Variants in TNFSF18 observed in about 807,000 individuals in gnomAD.
TNFSF18 encodes TNF superfamily member 18.
In TNFSF18, 6 loss-of-function variants were observed where a neutral mutation model predicts 9.6. That is an observed-to-expected ratio of 0.63 (90% confidence interval 0.34 to 1.24). The LOEUF (loss-of-function observed/expected upper bound fraction) is 1.24. TNFSF18 is among the 50% of genes most tolerant of loss of function. TNFSF18 has a pLI of 0.03. For missense variants in TNFSF18, 210 were observed against 201.0 expected (o/e 1.04, Z -0.27); for synonymous variants, 68 against 71.7 (o/e 0.95, Z 0.26).
rs984715780 is a variant in TNFSF18 at position 173,039,713 on chromosome 1, T to C, written c.*1654A>G. ...ATCAAGAACACCAAGATTTTATAAG[T>C]ATACATATATATACACACACACATA... is the stretch of plus-strand genomic sequence containing the variant. On this transcript the variant is annotated 3_prime_UTR_variant, in exon 3 of 3. Transcript: ENST00000404377. Among the ~76,000 whole-genome samples, 1 of 150,518 alleles carries C rather than the reference T, an allele frequency of 6.6e-6. No homozygotes were observed. Among genetic ancestry groups the C allele is most frequent in the African/African-American group, 2.5e-5 (1 of 40,548 alleles).
Position 173,043,928 on chromosome 1 carries a change from A to AGGTTACTC in TNFSF18, c.187+3_187+10dup. The stretch of plus-strand genomic sequence containing the variant: ...AAGAAAAGTAAAAGACATGCAAGAT[A>AGGTTACTC]GGTTACTCACCAAACTTAGCCATAC... On this transcript the variant is annotated intron_variant, in intron 2 of 2. Coordinates refer to ENST00000404377, the MANE Select transcript of TNFSF18 (RefSeq NM_005092.4). 6.2e-7 allele frequency: 1 copy of AGGTTACTC among 1,610,946 alleles called. No individual in the cohort carries two copies. Among genetic ancestry groups the AGGTTACTC allele is most frequent in the Non-Finnish European group, 8.5e-7 (1 of 1,177,212 alleles).
chr1:173,041,562 A>C lies in TNFSF18; in HGVS notation c.339T>G (p.Phe113Leu). 1 of 1,613,580 alleles carries C rather than the reference A, an allele frequency of 6.2e-7. No individual in the cohort carries two copies. Among genetic ancestry groups the C allele is most frequent in the Non-Finnish European group, 8.5e-7 (1 of 1,179,642 alleles). The change falls in exon 3 of 3, where the codon TTT becomes TTG. Residue 113 changes from phenylalanine to leucine, a missense_variant. Physicochemically the swap from Phe to Leu is conservative, Grantham distance 22. Transcript: ENST00000404377. Reference protein sequence around the residue: ...PNANYNDVAPFEVRLYKNKDM... With the variant: ...PNANYNDVAPLEVRLYKNKDM... ...CTTTGTTTTTATACAGCCGCACCTC[A>C]AAAGGAGCTACATCATTGTAGTTTG... is the stretch of plus-strand genomic sequence containing the variant.
chr1:173,042,513 C>A (rs1665009543), intron 2 of TNFSF18, among the ~76,000 whole-genome samples: 1 of 151,924 alleles, frequency 6.6e-6, no homozygotes, highest in Non-Finnish European at 1.5e-5. Flanking sequence ...TTAAATAAAT[C>A]CCCCAAAAAT....
chr1:173,041,818 T>TACGGC, intron 2 of TNFSF18, 105 bp from the exon 3 acceptor site: 1 of 945,812 alleles, frequency 1.1e-6, no homozygotes, highest in Non-Finnish European at 1.5e-6. Context: ...TGTTGTTTCT[T>TACGGC]TACCTGATCT....
In TNFSF18 at chr1:173,040,079, T is replaced by A. The variant is rs758405447; in HGVS notation, c.*1288A>T. The A allele has an allele frequency of 3.7e-4, 56 of 152,088 alleles. No individual in the cohort carries two copies. Among genetic ancestry groups the A allele is most frequent in the Non-Finnish European group, 6.8e-4 (46 of 68,012 alleles). 9.4% of individuals were successfully genotyped at this position (152,088 alleles called of 1,614,324 possible). ...CAACAAGAACCTGCAAGTAGCTAAT[T>A]TAAGAGTCCAAAAATTTTGAATTAG... On this transcript the variant is annotated 3_prime_UTR_variant, in exon 3 of 3. Transcript: ENST00000404377.
In TNFSF18 at chr1:173,040,104, G is replaced by C. The variant is rs1239857894; in HGVS notation, c.*1263C>G. 6.6e-6 allele frequency: 1 copy of C among 151,904 alleles called. No individual in the cohort carries two copies. The highest frequency in any genetic ancestry group is 6.6e-5 in the Admixed American group (1 of 15,228). The allele number at this position is 151,904 out of a possible 1,614,324, so 9.4% of individuals were successfully genotyped here. The stretch of plus-strand genomic sequence containing the variant: ...TTAAGAGTCCAAAAATTTTGAATTA[G>C]TGCTATTTATTATTTTAGAAGTTAG... On this transcript the variant is annotated 3_prime_UTR_variant, in exon 3 of 3. Coordinates refer to ENST00000404377, the MANE Select transcript of TNFSF18 (RefSeq NM_005092.4).
At chr1:173,042,959 G>A (rs968239878) in intron 2 of TNFSF18, among the ~76,000 whole-genome samples, 7 of 152,050 alleles carry the variant, frequency 4.6e-5, no homozygotes, top group African/African-American at 9.7e-5. Flanking sequence ...CAATGAGCTC[G>A]GAGCCCAGTA....
chr1:173,041,577 A>G lies in TNFSF18; in HGVS notation c.324T>C (p.Asn108=). Residue 108 remains asparagine (N), a synonymous_variant, in exon 3 of 3, where the codon AAT becomes AAC. Coordinates refer to ENST00000404377, the MANE Select transcript of TNFSF18 (RefSeq NM_005092.4). Reference sequence around the variant, plus strand: ...GCCGCACCTCAAAAGGAGCTACATCATTGTAGTTTGCATTGGGAGCCACTT... The same window carrying G: ...GCCGCACCTCAAAAGGAGCTACATCGTTGTAGTTTGCATTGGGAGCCACTT... ...YGQVAPNANY[N]DVAPFEVRLY... 1.9e-6 allele frequency: 3 copies of G among 1,613,558 alleles called. No homozygotes were observed. Among genetic ancestry groups the G allele is most frequent in the Non-Finnish European group, 2.5e-6 (3 of 1,179,634 alleles).
rs143979974 is a variant in TNFSF18, at chr1:173,050,869, G to C, written c.28C>G (p.Pro10Ala). The C allele has an allele frequency of 1.2e-6, 2 of 1,613,796 alleles. No homozygotes were observed. The highest frequency in any genetic ancestry group is 1.7e-6 in the Non-Finnish European group (2 of 1,179,770). MCLSHLENM[P>A]LSHSRTQGAQ... ...CCTTGAGTTCTTGAATGGCTTAAAGGCATATTTTCCAAGTGGCTCAAACAC... is the reference window on the plus strand; with the variant it reads ...CCTTGAGTTCTTGAATGGCTTAAAGCCATATTTTCCAAGTGGCTCAAACAC... The change falls in exon 1 of 3, where the codon CCT becomes GCT. Residue 10 changes from proline (P) to alanine (A), a missense_variant. Physicochemically the swap from Pro to Ala is conservative, Grantham distance 27 (BLOSUM62 -1). Transcript: ENST00000404377.
At chr1:173,042,787 A>C (rs939852293) in intron 2 of TNFSF18, among the ~76,000 whole-genome samples, 7 of 152,090 alleles carry the variant, frequency 4.6e-5, no homozygotes, top group Non-Finnish European at 7.4e-5. Flanking sequence ...CCTTTGTCCC[A>C]TAATTAAAAA....
chr1:173,044,319 A>G (rs1446424460), intron 1 of TNFSF18, among the ~76,000 whole-genome samples: 2 of 150,962 alleles, frequency 1.3e-5, no homozygotes, highest in Admixed American at 6.6e-5. Context: ...CACCCCAGTG[A>G]CTGCACAAGG....
intron 1 of TNFSF18, among the ~76,000 whole-genome samples, chr1:173,045,546 G>C (rs1380476227): frequency 6.6e-6 from 1 of 152,138 alleles, no homozygotes; most frequent in East Asian, 1.9e-4. Context: ...GGGTAAATGG[G>C]ACAAGAGAAG....
chr1:173,042,563 T>G (rs566151710), intron 2 of TNFSF18, among the ~76,000 whole-genome samples: 2 of 152,222 alleles, frequency 1.3e-5, no homozygotes, highest in East Asian at 3.9e-4. Flanking sequence ...TAGAAATAAC[T>G]TGACTATTTA....
At chr1:173,048,890 G>A (rs931870950) in intron 1 of TNFSF18, among the ~76,000 whole-genome samples, 3 of 152,188 alleles carry the variant, frequency 2.0e-5, no homozygotes, top group Admixed American at 6.5e-5. Flanking sequence ...TAGGGAAAGG[G>A]AAGTACAGGT....
Position 173,039,739 on chromosome 1 carries a change from T to TACACAC in TNFSF18, c.*1622_*1627dup, listed in dbSNP as rs562779540. On this transcript the variant is annotated 3_prime_UTR_variant, in exon 3 of 3. Coordinates refer to ENST00000404377, the MANE Select transcript of TNFSF18 (RefSeq NM_005092.4). ...ATACATATATATACACACACACATATACACACACACACACACACACACACA... is the reference window on the plus strand; with the variant it reads ...ATACATATATATACACACACACATATACACACACACACACACACACACACACACACA... Among the ~76,000 whole-genome samples, 811 of 146,518 alleles carry TACACAC rather than the reference T, an allele frequency of 5.5e-3. 9 individuals are homozygous for TACACAC. Among genetic ancestry groups the TACACAC allele is most frequent in the African/African-American group, 0.019 (768 of 40,198 alleles).
intron 2 of TNFSF18, among the ~76,000 whole-genome samples, chr1:173,043,123 T>C (rs1665018427): frequency 6.6e-6 from 1 of 152,038 alleles, no homozygotes; most frequent in Non-Finnish European, 1.5e-5. Flanking sequence ...AGGCATAATT[T>C]CACACATGCC....
chr1:173,050,777 G>C lies in TNFSF18; in HGVS notation c.120C>G (p.Ser40=). ...GAAAAATAAAGATTAGCCAACTGAA[G>C]GAGCAAAGAAATAGCAACATAACTA... is the stretch of plus-strand genomic sequence containing the variant. ...CSIVMLLFLC[S]FSWLIFIFLQ... Residue 40 remains serine (S), a synonymous_variant, in exon 1 of 3, where the codon TCC becomes TCG. Transcript: ENST00000404377. 1 of 1,611,838 alleles carries C rather than the reference G, an allele frequency of 6.2e-7. No homozygotes were observed. The highest frequency in any genetic ancestry group is 8.5e-7 in the Non-Finnish European group (1 of 1,178,960).
Position 173,041,330 on chromosome 1 carries a change from C to T in TNFSF18, c.*37G>A, listed in dbSNP as rs1371335121. On this transcript the variant is annotated 3_prime_UTR_variant, in exon 3 of 3. Coordinates refer to ENST00000404377, the MANE Select transcript of TNFSF18 (RefSeq NM_005092.4). ...TCCAATCCACCCACTGGCACCTCTACATGTGCTGAAGGGAATGAGGAGATC... is the reference window on the plus strand; with the variant it reads ...TCCAATCCACCCACTGGCACCTCTATATGTGCTGAAGGGAATGAGGAGATC... The T allele has an allele frequency of 6.7e-7, 1 of 1,495,882 alleles. No homozygotes were observed. Among genetic ancestry groups the T allele is most frequent in the East Asian group, 2.3e-5 (1 of 44,068 alleles). 92.7% of individuals were successfully genotyped at this position (1,495,882 alleles called of 1,614,324 possible).
intron 1 of TNFSF18, among the ~76,000 whole-genome samples, chr1:173,045,450 A>C (rs1665065562): frequency 6.6e-6 from 1 of 152,196 alleles, no homozygotes; most frequent in Non-Finnish European, 1.5e-5. Context: ...TGATAGATTG[A>C]GCAACATGGT....
Sources: gnomAD v4.1 joint callset for allele counts (sites outside exome capture counted in the v4.1 genomes callset) on GRCh38, gnomAD v4.1.1 for gene constraint, MANE v1.5 for transcripts, NCBI Gene and HGNC (gene_info 2026-07-23, HGNC 2026-07-21) for gene names.